The following BBS9 variants were observed in gnomAD, a reference collection of about 807,000 sequenced individuals.
BBS9 encodes the protein protein PTHB1.
A neutral mutation model predicts 117.7 loss-of-function variants in BBS9; 89 were observed. The ratio of observed to expected loss-of-function variants is 0.76; its 90% CI spans 0.64 to 0.90. The LOEUF (loss-of-function observed/expected upper bound fraction) is 0.90, where lower values mean the gene tolerates loss of function less well. BBS9 is among the 40% of genes least tolerant of loss of function. BBS9 has a pLI of 0.00. For missense variants in BBS9, 982 were observed against 1,042.2 expected (o/e 0.94, Z 0.80); for synonymous variants, 379 against 370.9 (o/e 1.02, Z -0.25).
chr7:33,149,809 C>T (rs1481938577), intron 2 of BBS9, among the ~76,000 whole-genome samples: 1 of 152,112 alleles, frequency 6.6e-6, no homozygotes, highest in East Asian at 1.9e-4. Context: ...TTTTAATAGT[C>T]GTACATATAC....
intron 12 of BBS9, among the ~76,000 whole-genome samples, chr7:33,345,202 A>G (rs2128648551): frequency 6.6e-6 from 1 of 152,362 alleles, no homozygotes; most frequent in Non-Finnish European, 1.5e-5. Context: ...ATAGAATATT[A>G]AGGATGTGGT....
intron 21 of BBS9, among the ~76,000 whole-genome samples, chr7:33,576,867 C>T (rs561716151): frequency 6.6e-6 from 1 of 152,250 alleles, no homozygotes; most frequent in East Asian, 1.9e-4. Context: ...AAAGCTGAAA[C>T]TGGATCCCTT....
intron 5 of BBS9, among the ~76,000 whole-genome samples, chr7:33,224,970 A>T (rs1583723857): frequency 6.6e-6 from 1 of 152,306 alleles, no homozygotes; most frequent in South Asian, 2.1e-4. Context: ...ACGGAAATAC[A>T]TTTAAAGGAA....
At chr7:33,360,370 G>T (rs1206900883) in intron 16 of BBS9, among the ~76,000 whole-genome samples, 2 of 151,978 alleles carry the variant, frequency 1.3e-5, no homozygotes, top group Non-Finnish European at 2.9e-5. Context: ...TTTGAATAAA[G>T]GCGTCCAGTA....
intron 21 of BBS9, among the ~76,000 whole-genome samples, chr7:33,574,684 AAC>A (rs371229936): frequency 0.018 from 2,479 of 137,542 alleles, 27 homozygotes; most frequent in African/African-American, 0.024. Context: ...AGTCATAGAA[AAC>A]ACACACACAC....
intron 7 of BBS9, among the ~76,000 whole-genome samples, chr7:33,265,117 T>C (rs188776307): frequency 3.3e-4 from 50 of 152,086 alleles, no homozygotes; most frequent in Admixed American, 2.7e-3. Flanking sequence ...AGGCAAAAAA[T>C]AGAAGGAACT....
In BBS9 at chr7:33,137,020, T is replaced by C. The variant is rs111622575; in HGVS notation, c.-12+6979T>C. ...TTATTATGGATCTATTTAGATTTTT[T>C]ATTTCTTCTTGAGTCAGCAGAGGGT... On this transcript the variant is annotated intron_variant, in intron 1 of 22. Coordinates refer to ENST00000242067, the MANE Select transcript of BBS9 (RefSeq NM_198428.3). 7.0e-3 allele frequency among the ~76,000 whole-genome samples: 1,065 copies of C among 152,284 alleles called. 12 individuals are homozygous for C. Among genetic ancestry groups the C allele is most frequent in the African/African-American group, 0.022 (898 of 41,542 alleles).
chr7:33,237,321 G>C (rs1793698187), intron 5 of BBS9, among the ~76,000 whole-genome samples: 1 of 152,146 alleles, frequency 6.6e-6, no homozygotes, highest in Non-Finnish European at 1.5e-5. Flanking sequence ...CAAACACACA[G>C]ACTTTTGTTC....
At chr7:33,502,108 A>AC (rs1192291262) in intron 19 of BBS9, among the ~76,000 whole-genome samples, 1 of 151,900 alleles carries the variant, frequency 6.6e-6, no homozygotes, top group Non-Finnish European at 1.5e-5. Flanking sequence ...TGGGTTTTCA[A>AC]CATGTTGGCC....
intron 5 of BBS9, among the ~76,000 whole-genome samples, chr7:33,213,417 G>C (rs539138191): frequency 1.8e-4 from 28 of 152,306 alleles, no homozygotes; most frequent in Admixed American, 1.6e-3. Context: ...TCCAGAAATA[G>C]TGTCCAAGAG....
At chr7:33,333,131 A>G (rs1220357844) in intron 9 of BBS9, among the ~76,000 whole-genome samples, 1 of 151,948 alleles carries the variant, frequency 6.6e-6, no homozygotes, top group African/African-American at 2.4e-5. Context: ...TTTAGTGGTG[A>G]TTTCTGTGAT....
intron 19 of BBS9, among the ~76,000 whole-genome samples, chr7:33,454,602 A>T (rs1470530180): frequency 6.6e-6 from 1 of 152,248 alleles, no homozygotes; most frequent in East Asian, 1.9e-4. Context: ...GGATGGGATT[A>T]TCATGATTGG....
chr7:33,236,466 A>G (rs1322750618), intron 5 of BBS9, among the ~76,000 whole-genome samples: 1 of 151,982 alleles, frequency 6.6e-6, no homozygotes, highest in Non-Finnish European at 1.5e-5. Flanking sequence ...ATACACATAC[A>G]TACTTTAAAC....
At chr7:33,292,215 G>C (rs1286967796) in intron 9 of BBS9, among the ~76,000 whole-genome samples, 1 of 145,466 alleles carries the variant, frequency 6.9e-6, no homozygotes, top group African/African-American at 2.5e-5. Flanking sequence ...ATTTAGTTTG[G>C]CTACTTAAAA....
At chr7:33,139,505 C>T (rs1562657392) in intron 1 of BBS9, among the ~76,000 whole-genome samples, 1 of 150,902 alleles carries the variant, frequency 6.6e-6, no homozygotes, top group Non-Finnish European at 1.5e-5. Context: ...CATAGGATAG[C>T]TACTTTGACT....
intron 11 of BBS9, among the ~76,000 whole-genome samples, chr7:33,344,180 C>T (rs1034087395): frequency 2.1e-5 from 3 of 141,496 alleles, no homozygotes; most frequent in Middle Eastern, 3.6e-3. Flanking sequence ...CTCCCGGGTT[C>T]ATGCCATTCT....
intron 9 of BBS9, among the ~76,000 whole-genome samples, chr7:33,276,293 G>T (rs1281747793): frequency 6.6e-6 from 1 of 152,154 alleles, no homozygotes; most frequent in African/African-American, 2.4e-5. Context: ...CACCACAATT[G>T]TAAGCTGTAT....
At chr7:33,531,667 G>C (rs1850599162) in intron 20 of BBS9, among the ~76,000 whole-genome samples, 1 of 152,190 alleles carries the variant, frequency 6.6e-6, no homozygotes. Context: ...GATAAAATGG[G>C]CTGTCATGTA....
chr7:33,317,214 T>C (rs1198273301), intron 9 of BBS9, among the ~76,000 whole-genome samples: 1 of 152,240 alleles, frequency 6.6e-6, no homozygotes, highest in Admixed American at 6.5e-5. Flanking sequence ...TTGATCTGTT[T>C]AGTCTCATGC....
Sources: gnomAD v4.1 joint callset for allele counts (sites outside exome capture counted in the v4.1 genomes callset) on GRCh38, gnomAD v4.1.1 for gene constraint, MANE v1.5 for transcripts, NCBI Gene and HGNC (gene_info 2026-07-23, HGNC 2026-07-21) for gene names.